Variants in FRMD4B observed in about 807,000 individuals in gnomAD.
The protein encoded by FRMD4B is FERM domain-containing protein 4B.
A neutral mutation model predicts 141.5 loss-of-function variants in FRMD4B; 74 were observed. The observed-to-expected ratio is 0.52, with a 90% CI of 0.43 to 0.63. The LOEUF (loss-of-function observed/expected upper bound fraction) is 0.63. Among genes scored for constraint, FRMD4B ranks in the 30% least tolerant of loss-of-function variants. The pLI, the probability that FRMD4B is intolerant of heterozygous loss-of-function variation, is 0.00. For missense variants in FRMD4B, 1,366 were observed against 1,253.4 expected (o/e 1.09, Z -1.36); for synonymous variants, 506 against 467.9 (o/e 1.08, Z -1.05).
intron 7 of FRMD4B, among the ~76,000 whole-genome samples, chr3:69,237,613 C>A (rs1337793171): frequency 6.6e-6 from 1 of 151,936 alleles, no homozygotes. Flanking sequence ...GCATTTCTAG[C>A]GCCTTCATGG....
intron 19 of FRMD4B, among the ~76,000 whole-genome samples, chr3:69,183,771 C>T (rs1043319726): frequency 4.0e-5 from 6 of 150,810 alleles, no homozygotes; most frequent in East Asian, 2.0e-4. Context: ...CGTGAGCCAC[C>T]GCGCCCAGCC....
rs2092649638 is a variant in FRMD4B at position 69,176,666 on chromosome 3, A to G, written c.2852-10T>C. ...GCATTTGTAGAAGACACTGGAAATAAAAATGGAAAAAGATAAAATTAATGG... is the reference window on the plus strand; with the variant it reads ...GCATTTGTAGAAGACACTGGAAATAGAAATGGAAAAAGATAAAATTAATGG... On this transcript the variant is annotated splice_polypyrimidine_tract_variant and intron_variant, in intron 21 of 22. Transcript: ENST00000398540. 6.3e-7 allele frequency: 1 copy of G among 1,580,052 alleles called. No individual in the cohort carries two copies. The highest frequency in any genetic ancestry group is 8.7e-7 in the Non-Finnish European group (1 of 1,150,980).
intron 7 of FRMD4B, among the ~76,000 whole-genome samples, chr3:69,239,755 T>C (rs897205237): frequency 6.6e-6 from 1 of 152,000 alleles, no homozygotes; most frequent in Non-Finnish European, 1.5e-5. Context: ...TTCTGGAGAT[T>C]GGCCGTACAA....
chr3:69,219,252 C>A (rs372125102), intron 9 of FRMD4B, among the ~76,000 whole-genome samples: 2 of 151,952 alleles, frequency 1.3e-5, no homozygotes, highest in Non-Finnish European at 2.9e-5. Context: ...TATTGTACAC[C>A]TTTAAGGCTT....
chr3:69,193,239 T>C (rs2092859895), intron 17 of FRMD4B, among the ~76,000 whole-genome samples: 1 of 152,210 alleles, frequency 6.6e-6, no homozygotes, highest in African/African-American at 2.4e-5. Flanking sequence ...TCAGGCGCAG[T>C]GGCTCATGCC....
chr3:69,532,027 A>C (rs1405314570), intron 1 of FRMD4B, among the ~76,000 whole-genome samples: 2 of 152,210 alleles, frequency 1.3e-5, no homozygotes, highest in East Asian at 3.9e-4. Flanking sequence ...GGAGCAAATG[A>C]CCATGATATG....
At chr3:69,173,413 T>TA (rs2092608960) in intron 22 of FRMD4B, among the ~76,000 whole-genome samples, 3 of 152,244 alleles carry the variant, frequency 2.0e-5, no homozygotes, top group Middle Eastern at 6.8e-3. Flanking sequence ...ACACTTTATT[T>TA]AAAAAAACAA....
intron 7 of FRMD4B, chr3:69,228,441 T>A (rs1415261826): frequency 2.2e-6 from 1 of 456,828 alleles, no homozygotes; most frequent in South Asian, 1.5e-5. Flanking sequence ...CACTGAGATA[T>A]GGTGTGAACT....
intron 8 of FRMD4B, among the ~76,000 whole-genome samples, chr3:69,222,717 G>C (rs1350656084): frequency 6.6e-6 from 1 of 152,202 alleles, no homozygotes; most frequent in Non-Finnish European, 1.5e-5. Flanking sequence ...GCTGCAGTGA[G>C]CCGAGCTTGC....
At chr3:69,444,432 T>C (rs1273308669) in intron 1 of FRMD4B, among the ~76,000 whole-genome samples, 1 of 152,198 alleles carries the variant, frequency 6.6e-6, no homozygotes, top group African/African-American at 2.4e-5. Flanking sequence ...CTGCTTAGTG[T>C]GGAAAATCCA....
At position 69,462,631 on chromosome 3, in the gene FRMD4B, T is replaced by C. The variant is rs117111397; in HGVS notation, c.-128-29870A>G. 2.8e-4 allele frequency among the ~76,000 whole-genome samples: 42 copies of C among 152,340 alleles called. 1 individual carries two copies. In the East Asian group the frequency reaches 8.1e-3, roughly 29 times the overall value. On this transcript the variant is annotated intron_variant, in intron 1 of 5. Transcript: ENST00000459638. Reference sequence around the variant, plus strand: ...TGCACAGCTTACCCTTAACCATGCATAGAACTCCCTGTGCCTACACCTGAG... The same window carrying C: ...TGCACAGCTTACCCTTAACCATGCACAGAACTCCCTGTGCCTACACCTGAG...
chr3:69,415,979 T>C (rs1181564197), intron 2 of FRMD4B, among the ~76,000 whole-genome samples: 1 of 152,222 alleles, frequency 6.6e-6, no homozygotes, highest in East Asian at 1.9e-4. Context: ...AGATGAAAAC[T>C]AGACTCCCCT....
chr3:69,437,429 A>G (rs1705276359), intron 1 of FRMD4B, among the ~76,000 whole-genome samples: 1 of 148,378 alleles, frequency 6.7e-6, no homozygotes, highest in Admixed American at 6.8e-5. Context: ...GTGTGTATAT[A>G]TACATATATA....
chr3:69,455,391 A>G (rs376497825), intron 1 of FRMD4B, among the ~76,000 whole-genome samples: 9 of 152,252 alleles, frequency 5.9e-5, no homozygotes, highest in Admixed American at 4.6e-4. Context: ...CACTCACGGC[A>G]AAGGTCTGCA....
At chr3:69,422,393 A>AAAAAAAG (rs1704996586) in intron 2 of FRMD4B, among the ~76,000 whole-genome samples, 1 of 151,824 alleles carries the variant, frequency 6.6e-6, no homozygotes, top group Non-Finnish European at 1.5e-5. Flanking sequence ...AAAAAAAAAA[A>AAAAAAAG]AAAAGAAGAG....
intron 21 of FRMD4B, among the ~76,000 whole-genome samples, chr3:69,179,154 G>A (rs1040380554): frequency 2.0e-5 from 3 of 152,086 alleles, no homozygotes; most frequent in Non-Finnish European, 1.5e-5. Context: ...AAAGAGTGAT[G>A]CCTTTTGGTC....
chr3:69,347,965 C>T (rs1261996103), intron 1 of FRMD4B, among the ~76,000 whole-genome samples: 1 of 151,986 alleles, frequency 6.6e-6, no homozygotes, highest in African/African-American at 2.4e-5. Context: ...TAGCAGAAGG[C>T]AAGAAATAAC....
At chr3:69,448,363 T>C (rs1279498309) in intron 1 of FRMD4B, among the ~76,000 whole-genome samples, 1 of 152,246 alleles carries the variant, frequency 6.6e-6, no homozygotes, top group African/African-American at 2.4e-5. Context: ...TATATTTTCA[T>C]TGCTTTTCAG....
At chr3:69,518,987 C>T (rs1700810135) in intron 1 of FRMD4B, among the ~76,000 whole-genome samples, 1 of 152,124 alleles carries the variant, frequency 6.6e-6, no homozygotes, top group Non-Finnish European at 1.5e-5. Context: ...TCAGATTCCC[C>T]TCTGAAGAAT....
Sources: allele counts gnomAD v4.1 joint callset (sites outside exome capture counted in the v4.1 genomes callset), GRCh38; gene constraint gnomAD v4.1.1; transcripts MANE v1.5; gene names NCBI Gene and HGNC (gene_info 2026-07-23, HGNC 2026-07-21).